PLEKHD1: variants seen among roughly 807,000 people sequenced by gnomAD.
The protein encoded by PLEKHD1 is pleckstrin homology domain-containing family D member 1.
A neutral mutation model predicts 69.2 loss-of-function variants in PLEKHD1; 51 were observed. The observed-to-expected ratio is 0.74, with a 90% CI of 0.59 to 0.93. The LOEUF is 0.93. Ranked by LOEUF, PLEKHD1 falls within the 40% of genes least tolerant of loss-of-function variation. PLEKHD1 has a pLI of 0.00. For synonymous variants in PLEKHD1, 236 were observed against 244.7 expected, an observed-to-expected ratio of 0.96 and a Z score of 0.33; for missense variants, 584 against 641.0, an observed-to-expected ratio of 0.91 and a Z score of 0.96.
At position 69,530,924 on chromosome 14, in the gene PLEKHD1, C is replaced by G. The variant is rs1279848927; in HGVS notation, c.*2505C>G. 1 of 152,170 alleles carries G rather than the reference C, an allele frequency of 6.6e-6. No individual in the cohort carries two copies. The highest frequency in any genetic ancestry group is 1.5e-5 in the Non-Finnish European group (1 of 68,060). 9.4% of individuals were successfully genotyped at this position (152,170 alleles called of 1,614,324 possible). A position where few individuals can be genotyped will look rare whatever the true frequency, so the allele number is the denominator to read the frequency against. On this transcript the variant is annotated 3_prime_UTR_variant, in exon 13 of 13. Coordinates refer to ENST00000322564, the MANE Select transcript of PLEKHD1 (RefSeq NM_001161498.2). ...ATCACCTGAGGTCAGGAGTTTGAGA[C>G]CAGCCTGGCCAATATGGCGAAACCC...
chr14:69,467,847 T>G, the PLEKHD1 span, among the ~76,000 whole-genome samples: 1 of 152,168 alleles, frequency 6.6e-6, no homozygotes, highest in African/African-American at 2.4e-5. Context: ...CCCTCAAATC[T>G]CAACTATTTG....
At chr14:69,520,327 C>T (rs1190130603) in intron 6 of PLEKHD1, among the ~76,000 whole-genome samples, 2 of 151,846 alleles carry the variant, frequency 1.3e-5, no homozygotes, top group South Asian at 2.1e-4. Flanking sequence ...TGAGGTTTGT[C>T]GAATCTGAGG....
intron 1 of PLEKHD1, among the ~76,000 whole-genome samples, chr14:69,487,640 G>T (rs552729865): frequency 6.6e-6 from 1 of 152,350 alleles, no homozygotes; most frequent in South Asian, 2.1e-4. Context: ...GGGGTGGGAA[G>T]GTGCCCTTGA....
chr14:69,525,097 A>G (rs375650461), intron 8 of PLEKHD1, among the ~76,000 whole-genome samples: 1 of 152,108 alleles, frequency 6.6e-6, no homozygotes, highest in Non-Finnish European at 1.5e-5. Context: ...CAAGGCAGGT[A>G]TCTACTCTGA....
At chr14:69,500,836 C>A (rs1435747932) in intron 3 of PLEKHD1, 35 bp from the exon 4 acceptor site, 4 of 1,550,890 alleles carry the variant, frequency 2.6e-6, no homozygotes, top group African/African-American at 2.7e-5. Context: ...GCGTGGCTGC[C>A]TCTCAGGCAT....
At chr14:69,483,863 C>T (rs1054523653), upstream of PLEKHD1, among the ~76,000 whole-genome samples, 1 of 152,238 alleles carries the variant, frequency 6.6e-6, no homozygotes, top group African/African-American at 2.4e-5. Context: ...GAGGCGGTCC[C>T]CTGGGGCCCG....
intron 6 of PLEKHD1, among the ~76,000 whole-genome samples, chr14:69,521,212 G>A (rs1594991459): frequency 1.3e-5 from 2 of 152,288 alleles, no homozygotes; most frequent in East Asian, 3.9e-4. Flanking sequence ...CAAAAACTGA[G>A]GTCAGTTTGT....
chr14:69,526,600 G>A, intron 9 of PLEKHD1, 97 bp from the exon 10 acceptor site: 2 of 1,376,624 alleles, frequency 1.5e-6, no homozygotes, highest in Non-Finnish European at 1.9e-6. Context: ...TGGGATTCAA[G>A]GTTTCTCCAG....
chr14:69,502,971 A>T (rs985876818), intron 6 of PLEKHD1, 92 bp downstream of exon 6: 1 of 1,459,300 alleles, frequency 6.9e-7, no homozygotes. Context: ...GGGTGCACAG[A>T]GGACTTGCTA....
intron 6 of PLEKHD1, among the ~76,000 whole-genome samples, chr14:69,506,725 T>C (rs1269938355): frequency 6.6e-6 from 1 of 152,148 alleles, no homozygotes; most frequent in East Asian, 1.9e-4. Context: ...ATTGACACAC[T>C]GTCACCCAAA....
chr14:69,497,888 T>C (rs2139501978), intron 1 of PLEKHD1, among the ~76,000 whole-genome samples: 1 of 152,050 alleles, frequency 6.6e-6, no homozygotes, highest in Non-Finnish European at 1.5e-5. Flanking sequence ...AGAGGGTAGG[T>C]TCAGGTAAAG....
chr14:69,492,667 C>T (rs1044355066), intron 1 of PLEKHD1, among the ~76,000 whole-genome samples: 2 of 152,230 alleles, frequency 1.3e-5, no homozygotes, highest in African/African-American at 2.4e-5. Context: ...TCCTCACCTA[C>T]CTCATGTGAG....
chr14:69,500,905 A>T lies in PLEKHD1; in HGVS notation c.368A>T (p.Glu123Val). ...NILLAAESEF[E>V]QTQWLEMLQE... Reference sequence around the variant, plus strand: ...TTGCTTGCTGCTGAGTCGGAGTTTGAGCAGACCCAGTGGCTGGAGATGCTG... The same window carrying T: ...TTGCTTGCTGCTGAGTCGGAGTTTGTGCAGACCCAGTGGCTGGAGATGCTG... Residue 123 changes from glutamate (E) to valine (V), a missense_variant, in exon 4 of 13, where the codon GAG becomes GTG. Transcript: ENST00000322564. 1 of 1,551,590 alleles carries T rather than the reference A, an allele frequency of 6.4e-7. No individual in the cohort carries two copies. Among genetic ancestry groups the T allele is most frequent in the Non-Finnish European group, 8.7e-7 (1 of 1,146,970 alleles).
intron 6 of PLEKHD1, among the ~76,000 whole-genome samples, chr14:69,515,123 G>A (rs757155563): frequency 6.6e-5 from 10 of 152,102 alleles, no homozygotes; most frequent in African/African-American, 2.2e-4. Flanking sequence ...ACTTGAACCC[G>A]GGAGGCAGAG....
chr14:69,490,351 G>A (rs1377063068), intron 1 of PLEKHD1, among the ~76,000 whole-genome samples: 3 of 152,186 alleles, frequency 2.0e-5, no homozygotes, highest in African/African-American at 7.2e-5. Flanking sequence ...GCTCCTATGA[G>A]AATCTAATGC....
In PLEKHD1 at chr14:69,492,179, A is replaced by G. The variant is rs187136729; in HGVS notation, c.149+7065A>G. On this transcript the variant is annotated intron_variant, in intron 1 of 12. Transcript: ENST00000322564. ...TGCCCACCCTTTGCACTTTCTGCCA[A>G]TAATACCAGAGATATTTTTATAACT... Among the ~76,000 whole-genome samples, 28 of 152,288 alleles carry G rather than the reference A, an allele frequency of 1.8e-4. No homozygotes were observed. The East Asian group carries it at 4.8e-3, about 26-fold the overall frequency.
chr14:69,484,778 C>G lies in PLEKHD1; in HGVS notation c.-188C>G, dbSNP rs1882614827. On this transcript the variant is annotated 5_prime_UTR_variant, in exon 1 of 13. Transcript: ENST00000322564. ...TCCGGAGCCCAAGCCGCCGGCTACG[C>G]GCCCTGCGCCCCCTTGGTGCCGCGT... The G allele has an allele frequency of 3.2e-6, 2 of 623,178 alleles. No homozygotes were observed. Among genetic ancestry groups the G allele is most frequent in the South Asian group, 4.7e-5 (2 of 42,148 alleles). The allele number at this position is 623,178 out of a possible 1,614,324, so 38.6% of individuals were successfully genotyped here.
intron 6 of PLEKHD1, among the ~76,000 whole-genome samples, chr14:69,516,993 AG>A (rs1441534289): frequency 6.6e-6 from 1 of 152,184 alleles, no homozygotes; most frequent in African/African-American, 2.4e-5. Context: ...TATGGAGAAA[AG>A]GATGAAGGCG....
intron 4 of PLEKHD1, 111 bp downstream of exon 4, chr14:69,501,058 C>A: frequency 1.7e-6 from 2 of 1,156,366 alleles, no homozygotes; most frequent in Non-Finnish European, 2.5e-6. Context: ...AGGGCCAGGG[C>A]TGTGGGAGAT....
Sources: gnomAD v4.1 joint callset for allele counts (sites outside exome capture counted in the v4.1 genomes callset) on GRCh38, gnomAD v4.1.1 for gene constraint, MANE v1.5 for transcripts, NCBI Gene and HGNC (gene_info 2026-07-23, HGNC 2026-07-21) for gene names.